The following KCNMA1 variants were observed in gnomAD, a reference collection of about 807,000 sequenced individuals.
KCNMA1 encodes the protein potassium calcium-activated channel subfamily M alpha 1.
KCNMA1 carries 29 observed loss-of-function variants against 140.0 expected under a neutral mutation model. The observed-to-expected ratio is 0.21, with a 90% CI of 0.15 to 0.28. The LOEUF (loss-of-function observed/expected upper bound fraction) is 0.28. KCNMA1 is among the 10% of genes least tolerant of loss of function. KCNMA1 has a pLI of 1.00. For missense variants in KCNMA1, 880 were observed against 1,602.2 expected (o/e 0.55, Z 7.70); for synonymous variants, 612 against 611.9 (o/e 1.00, Z 0.00).
intron 1 of KCNMA1, among the ~76,000 whole-genome samples, chr10:77,631,969 C>T (rs1209377289): frequency 6.6e-6 from 1 of 152,210 alleles, no homozygotes; most frequent in Non-Finnish European, 1.5e-5. Flanking sequence ...AGGCTGTGCT[C>T]TATCACAGAC....
At chr10:77,446,099 C>A (rs2097525036) in intron 1 of KCNMA1, among the ~76,000 whole-genome samples, 2 of 144,472 alleles carry the variant, frequency 1.4e-5, no homozygotes, top group African/African-American at 5.2e-5. Flanking sequence ...TCCCTGAAAC[C>A]TCTCTTCAAA....
At chr10:76,968,958 C>T (rs1010570085) in intron 20 of KCNMA1, among the ~76,000 whole-genome samples, 1 of 152,034 alleles carries the variant, frequency 6.6e-6, no homozygotes, top group African/African-American at 2.4e-5. Context: ...AAATCAAAGC[C>T]GGTGGCCATG....
intron 2 of KCNMA1, among the ~76,000 whole-genome samples, chr10:77,390,098 G>A (rs560012365): frequency 6.6e-6 from 1 of 152,270 alleles, no homozygotes; most frequent in South Asian, 2.1e-4. Flanking sequence ...GACAGTGAAG[G>A]GGATAAGAAA....
At chr10:77,513,004 C>T (rs993548227) in intron 1 of KCNMA1, among the ~76,000 whole-genome samples, 4 of 152,146 alleles carry the variant, frequency 2.6e-5, no homozygotes, top group Admixed American at 6.5e-5. Flanking sequence ...CCAGATCACA[C>T]GCGTGGCTGC....
At chr10:77,067,621 G>A (rs2096008411) in intron 14 of KCNMA1, among the ~76,000 whole-genome samples, 3 of 152,180 alleles carry the variant, frequency 2.0e-5, no homozygotes, top group Admixed American at 6.5e-5. Flanking sequence ...ACTTGGTTTA[G>A]ACTCCAATTA....
intron 2 of KCNMA1, among the ~76,000 whole-genome samples, chr10:77,294,692 G>C (rs1228431082): frequency 1.3e-5 from 2 of 152,192 alleles, no homozygotes; most frequent in Admixed American, 1.3e-4. Flanking sequence ...GCTGAGGTGG[G>C]CGGGTCATCT....
chr10:77,506,971 G>A (rs2046375727), intron 1 of KCNMA1, among the ~76,000 whole-genome samples: 2 of 152,066 alleles, frequency 1.3e-5, no homozygotes, highest in Admixed American at 1.3e-4. Flanking sequence ...CTCTGGCTCA[G>A]TGTTTGAAGC....
chr10:77,162,165 A>G (rs1326878270), intron 5 of KCNMA1, among the ~76,000 whole-genome samples: 3 of 152,234 alleles, frequency 2.0e-5, no homozygotes, highest in African/African-American at 7.2e-5. Flanking sequence ...AAAGAACTGT[A>G]ATCCTATGAG....
Position 77,108,569 on chromosome 10 carries a change from T to A in KCNMA1, c.1135A>T (p.Met379Leu). 6.2e-7 allele frequency: 1 copy of A among 1,612,260 alleles called. No homozygotes were observed. Among genetic ancestry groups the A allele is most frequent in the Non-Finnish European group, 8.5e-7 (1 of 1,179,024 alleles). ...MVFFILGGLA[M>L]FASYVPEIIE... Reference sequence around the variant, plus strand: ...ATTTCAGGGACGTAGCTGGCAAACATGGCCTGAGAAGATAGGAGACAGAAG... The same window carrying A: ...ATTTCAGGGACGTAGCTGGCAAACAAGGCCTGAGAAGATAGGAGACAGAAG... Residue 379 changes from methionine to leucine, a missense_variant, in exon 9 of 28, where the codon ATG (methionine) becomes TTG (leucine). This residue lies in a region of KCNMA1 where 198 missense variants were observed against 580.1 expected (regional missense o/e 0.34). Coordinates refer to ENST00000286628, the MANE Select transcript of KCNMA1 (RefSeq NM_001161352.2). The surrounding 1 kb of genome is among the most constrained non-coding windows in gnomAD (Gnocchi z 4.6).
At chr10:77,366,111 T>C (rs1003955415) in intron 2 of KCNMA1, among the ~76,000 whole-genome samples, 1 of 6,216 alleles carries the variant, frequency 1.6e-4, no homozygotes, top group African/African-American at 1.5e-3. Context: ...ATGTTCTTTC[T>C]TTCTTTCTTT....
chr10:77,459,594 C>T (rs901408780), intron 1 of KCNMA1, among the ~76,000 whole-genome samples: 3 of 152,160 alleles, frequency 2.0e-5, no homozygotes, highest in Non-Finnish European at 2.9e-5. Flanking sequence ...GGCTGGTCCC[C>T]GAATACCCAC....
At chr10:77,150,540 TACAA>T (rs1443412170) in intron 5 of KCNMA1, among the ~76,000 whole-genome samples, 1 of 152,028 alleles carries the variant, frequency 6.6e-6, no homozygotes, top group African/African-American at 2.4e-5. Context: ...TTTAAAGAAG[TACAA>T]ACAATCACCA....
chr10:77,343,956 C>T (rs1459653166), intron 2 of KCNMA1, among the ~76,000 whole-genome samples: 1 of 152,222 alleles, frequency 6.6e-6, no homozygotes, highest in African/African-American at 2.4e-5. Flanking sequence ...GCTCCACCTG[C>T]CCACTCATGG....
chr10:77,285,419 T>C (rs1420013339), intron 2 of KCNMA1, among the ~76,000 whole-genome samples: 1 of 152,180 alleles, frequency 6.6e-6, no homozygotes. Flanking sequence ...AAATCTAACC[T>C]TTAATGAGAA....
intron 1 of KCNMA1, among the ~76,000 whole-genome samples, chr10:77,592,631 T>C (rs2079558223): frequency 6.6e-6 from 1 of 152,168 alleles, no homozygotes; most frequent in African/African-American, 2.4e-5. Flanking sequence ...GTGGGCAAGA[T>C]GACATTTGGG....
chr10:77,504,459 T>C (rs548940038), intron 1 of KCNMA1, among the ~76,000 whole-genome samples: 15 of 152,230 alleles, frequency 9.9e-5, no homozygotes, highest in Non-Finnish European at 1.9e-4. Context: ...TTGCAAACTT[T>C]CCCATGACAG....
intron 1 of KCNMA1, among the ~76,000 whole-genome samples, chr10:77,440,756 C>G (rs2097378413): frequency 1.3e-5 from 2 of 152,126 alleles, no homozygotes; most frequent in Non-Finnish European, 2.9e-5. Flanking sequence ...GCAGAGTGAG[C>G]AGGACTTGAA....
chr10:77,560,922 C>G (rs1164990206), intron 1 of KCNMA1, among the ~76,000 whole-genome samples: 1 of 152,212 alleles, frequency 6.6e-6, no homozygotes, highest in African/African-American at 2.4e-5. Context: ...TGAGCAGATG[C>G]TTCTGCTCTT....
At chr10:77,471,731 A>C (rs1016638443) in intron 1 of KCNMA1, among the ~76,000 whole-genome samples, 1 of 151,406 alleles carries the variant, frequency 6.6e-6, no homozygotes, top group South Asian at 2.1e-4. Flanking sequence ...TACACACATA[A>C]CACACATACA....
Sources: allele counts gnomAD v4.1 joint callset (sites outside exome capture counted in the v4.1 genomes callset), GRCh38; gene constraint gnomAD v4.1.1; regional missense constraint gnomAD v4.1.1; non-coding constraint Gnocchi (gnomAD v3.1); transcripts MANE v1.5; gene names NCBI Gene and HGNC (gene_info 2026-07-23, HGNC 2026-07-21).